The following DLGAP2 variants were observed in gnomAD, a reference collection of about 807,000 sequenced individuals.
DLGAP2 encodes the protein disks large-associated protein 2.
In DLGAP2, 26 loss-of-function variants were observed where a neutral mutation model predicts 100.3. The observed-to-expected ratio is 0.26, with a 90% confidence interval of 0.19 to 0.36. The LOEUF (loss-of-function observed/expected upper bound fraction) is 0.36. DLGAP2 is among the 10% of genes least tolerant of loss of function. The probability of loss-of-function intolerance (pLI) is 1.00; values close to 1 mark genes in which losing one functional copy is unlikely to be tolerated. For missense variants in DLGAP2, 1,858 were observed against 1,453.2 expected (o/e 1.28, Z -4.53); for synonymous variants, 886 against 630.1 (o/e 1.41, Z -6.08).
At chr8:1,572,230 A>G (rs1386715377) in intron 6 of DLGAP2, among the ~76,000 whole-genome samples, 2 of 101,928 alleles carry the variant, frequency 2.0e-5, no homozygotes, top group African/African-American at 4.3e-5. Context: ...GATGAGATGG[A>G]GAGGAGAGGG....
intron 2 of DLGAP2, among the ~76,000 whole-genome samples, chr8:1,205,108 G>T (rs544338166): frequency 1.3e-5 from 2 of 152,206 alleles, no homozygotes; most frequent in Admixed American, 6.5e-5. Context: ...TCAAGGAGGG[G>T]CCAGGTGGGA....
chr8:1,220,572 TTC>T (rs1193580575), intron 2 of DLGAP2, among the ~76,000 whole-genome samples: 1 of 152,154 alleles, frequency 6.6e-6, no homozygotes, highest in Non-Finnish European at 1.5e-5. Context: ...AGACTATATA[TTC>T]TGTTGTTGTT....
intron 1 of DLGAP2, among the ~76,000 whole-genome samples, chr8:840,705 C>G (rs1195862396): frequency 6.8e-6 from 1 of 147,380 alleles, no homozygotes; most frequent in Admixed American, 6.8e-5. Flanking sequence ...TCCCTACACT[C>G]TGGATTCTGT....
intron 2 of DLGAP2, among the ~76,000 whole-genome samples, chr8:1,200,123 G>A (rs1214819617): frequency 6.6e-6 from 1 of 152,100 alleles, no homozygotes; most frequent in Non-Finnish European, 1.5e-5. Context: ...TGGGGGCCGG[G>A]AGCGGATCCC....
intron 2 of DLGAP2, among the ~76,000 whole-genome samples, chr8:988,148 T>C (rs1161490214): frequency 6.6e-6 from 1 of 152,228 alleles, no homozygotes; most frequent in Non-Finnish European, 1.5e-5. Flanking sequence ...GGTTGGTAGC[T>C]AATCGCATGA....
At chr8:1,617,130 C>A (rs967229222) in intron 6 of DLGAP2, among the ~76,000 whole-genome samples, 4 of 152,140 alleles carry the variant, frequency 2.6e-5, no homozygotes, top group Middle Eastern at 3.2e-3. Context: ...TATCTGTCTA[C>A]CATTGATGGG....
chr8:759,911 G>T (rs188354325), intron 1 of DLGAP2, among the ~76,000 whole-genome samples: 1 of 152,162 alleles, frequency 6.6e-6, no homozygotes, highest in African/African-American at 2.4e-5. Context: ...CCAGCTTGCC[G>T]TGGAGAGATG....
At chr8:1,517,538 G>T (rs184973832) in intron 4 of DLGAP2, among the ~76,000 whole-genome samples, 17 of 152,172 alleles carry the variant, frequency 1.1e-4, no homozygotes, top group Non-Finnish European at 2.2e-4. Flanking sequence ...CAGAAGAGCC[G>T]CTCCTCTTTG....
intron 3 of DLGAP2, among the ~76,000 whole-genome samples, chr8:1,449,371 G>T (rs1372777836): frequency 1.3e-5 from 2 of 152,218 alleles, no homozygotes; most frequent in Non-Finnish European, 2.9e-5. Context: ...GCAGCTGCAG[G>T]AATTCTCTCA....
At chr8:1,656,144 T>C (rs1047032527) in intron 8 of DLGAP2, among the ~76,000 whole-genome samples, 22 of 152,168 alleles carry the variant, frequency 1.4e-4, no homozygotes, top group South Asian at 4.1e-4. Flanking sequence ...TCCAACATGG[T>C]GAAACCCCAT....
At chr8:1,590,626 A>G (rs956588101) in intron 6 of DLGAP2, among the ~76,000 whole-genome samples, 2 of 152,192 alleles carry the variant, frequency 1.3e-5, no homozygotes, top group South Asian at 2.1e-4. Context: ...ATAAAGAGAA[A>G]TGTGTACTCC....
intron 3 of DLGAP2, among the ~76,000 whole-genome samples, chr8:1,280,306 C>T (rs1326876588): frequency 6.6e-6 from 1 of 152,146 alleles, no homozygotes; most frequent in Non-Finnish European, 1.5e-5. Context: ...ACTCGTAACC[C>T]CTTCCCATCT....
At chr8:973,887 C>T (rs1260379291) in intron 2 of DLGAP2, among the ~76,000 whole-genome samples, 1 of 150,280 alleles carries the variant, frequency 6.7e-6, no homozygotes, top group African/African-American at 2.4e-5. Context: ...TCTTCCCCTC[C>T]TCCGCCACCG....
At chr8:1,278,940 A>G (rs1183721372) in intron 3 of DLGAP2, among the ~76,000 whole-genome samples, 1 of 152,230 alleles carries the variant, frequency 6.6e-6, no homozygotes. Flanking sequence ...CCATGATGGT[A>G]CATGAGTAAA....
intron 2 of DLGAP2, among the ~76,000 whole-genome samples, chr8:1,181,388 G>A (rs1029810586): frequency 1.3e-5 from 2 of 152,188 alleles, no homozygotes; most frequent in African/African-American, 4.8e-5. Flanking sequence ...GTGTTAGATT[G>A]CTAAGGATAA....
intron 12 of DLGAP2, among the ~76,000 whole-genome samples, chr8:1,683,460 C>T (rs1197941889): frequency 2.0e-5 from 3 of 151,408 alleles, no homozygotes; most frequent in Non-Finnish European, 3.0e-5. Context: ...CTTCTGTGGC[C>T]GGGGCATTCC....
intron 12 of DLGAP2, among the ~76,000 whole-genome samples, chr8:1,681,686 A>G (rs1798950111): frequency 6.6e-6 from 1 of 152,216 alleles, no homozygotes; most frequent in South Asian, 2.1e-4. Flanking sequence ...GTTCTCCCTG[A>G]ACACATATGA....
rs1253003929 is a variant in DLGAP2, at chr8:897,067, C to CA, written c.19-10844dup. Among the ~76,000 whole-genome samples, 12 of 152,198 alleles carry CA rather than the reference C, an allele frequency of 7.9e-5. 1 individual carries two copies. The highest frequency in any genetic ancestry group is 7.9e-4 in the Admixed American group (12 of 15,270). ...GGAGAATCATCGGAGGAAACCCCCTCACTGGTGTGGAATCGGAGCCCCCTT... is the reference window on the plus strand; with the variant it reads ...GGAGAATCATCGGAGGAAACCCCCTCAACTGGTGTGGAATCGGAGCCCCCTT... On this transcript the variant is annotated intron_variant, in intron 1 of 14. Transcript: ENST00000637795.
At chr8:799,373 G>A (rs1166242693) in intron 1 of DLGAP2, among the ~76,000 whole-genome samples, 2 of 152,098 alleles carry the variant, frequency 1.3e-5, no homozygotes, top group East Asian at 3.9e-4. Flanking sequence ...ATAATTAGGA[G>A]CAGCAGGATC....
Sources: gnomAD v4.1 joint callset for allele counts (sites outside exome capture counted in the v4.1 genomes callset) on GRCh38, gnomAD v4.1.1 for gene constraint, MANE v1.5 for transcripts, NCBI Gene and HGNC (gene_info 2026-07-23, HGNC 2026-07-21) for gene names.